The following FGF13 variants were observed in gnomAD, a reference collection of about 807,000 sequenced individuals.
The protein encoded by FGF13 is fibroblast growth factor 13.
A neutral mutation model predicts 19.5 loss-of-function variants in FGF13; 2 were observed. The observed-to-expected ratio is 0.10, with a 90% confidence interval of 0.04 to 0.32. The LOEUF (loss-of-function observed/expected upper bound fraction) is 0.32. Among genes scored for constraint, FGF13 ranks in the 10% least tolerant of loss-of-function variants. The pLI is 1.00. For missense variants in FGF13, 113 were observed against 192.7 expected (o/e 0.59, Z 2.45); for synonymous variants, 72 against 76.9 (o/e 0.94, Z 0.33).
chrX:138,960,421 T>C (rs1250607869), intron 1 of FGF13, among the ~76,000 whole-genome samples: 7 of 112,120 alleles, frequency 6.2e-5, no homozygotes, highest in African/African-American at 2.3e-4. Flanking sequence ...CCTTTGTGGG[T>C]AACCCAACCT....
intron 1 of FGF13, among the ~76,000 whole-genome samples, chrX:139,104,593 A>G (rs1269530011): frequency 8.9e-6 from 1 of 111,748 alleles, no homozygotes; most frequent in East Asian, 2.8e-4. Flanking sequence ...ACATAGTACC[A>G]TAGACTAAGT....
chrX:139,204,056 T>C (rs778370954), upstream of FGF13: 1 of 1,208,815 alleles, frequency 8.3e-7, no homozygotes, highest in African/African-American at 1.7e-5. Flanking sequence ...CGGGCGGGCT[T>C]ACCCTTAGAA....
chrX:138,792,039 G>A (rs1362087242), intron 3 of FGF13, among the ~76,000 whole-genome samples: 1 of 111,550 alleles, frequency 9.0e-6, no homozygotes, highest in Non-Finnish European at 1.9e-5. Flanking sequence ...TAATTTTAGT[G>A]GCCAAAAAGC....
chrX:139,116,649 G>T (rs1485190163), intron 1 of FGF13, among the ~76,000 whole-genome samples: 2 of 111,260 alleles, frequency 1.8e-5, no homozygotes, highest in Admixed American at 9.6e-5. Context: ...GTTGAATCCT[G>T]CTCCTTCAAG....
chrX:138,768,091 T>C (rs2090515128), intron 3 of FGF13, among the ~76,000 whole-genome samples: 1 of 112,053 alleles, frequency 8.9e-6, no homozygotes, highest in South Asian at 3.7e-4. Flanking sequence ...ATCACTACTG[T>C]CATGAACCCA....
intron 3 of FGF13, among the ~76,000 whole-genome samples, chrX:138,791,778 A>G (rs2090744411): frequency 8.9e-6 from 1 of 112,073 alleles, no homozygotes; most frequent in African/African-American, 3.2e-5. Context: ...AGTAAATGCA[A>G]TTTTAAAAGG....
At chrX:139,199,679 T>A (rs888433675) in intron 1 of FGF13, among the ~76,000 whole-genome samples, 2 of 111,349 alleles carry the variant, frequency 1.8e-5, no homozygotes, top group African/African-American at 6.6e-5. Context: ...GGCATAGACC[T>A]CAACTCCTTC....
At chrX:139,160,027 C>T (rs1195379483) in intron 1 of FGF13, among the ~76,000 whole-genome samples, 1 of 111,925 alleles carries the variant, frequency 8.9e-6, no homozygotes, top group East Asian at 2.8e-4. Flanking sequence ...CCCAAATCAA[C>T]AGAAGATACA....
In FGF13 at chrX:139,000,451, C is replaced by T. The variant is rs145103904; in HGVS notation, c.-112-135801G>A. 9.6e-3 allele frequency among the ~76,000 whole-genome samples: 1,071 copies of T among 111,714 alleles called. 12 individuals carry two copies. The highest frequency in any genetic ancestry group is 0.033 in the African/African-American group (1,010 of 30,718). On this transcript the variant is annotated intron_variant, in intron 1 of 2. Transcript: ENST00000421460. ...TTTAGATAACCTCATCATTTCAGCC[C>T]CAAATATCCTTAATCTGATAAGCAA...
At chrX:138,879,960 CA>C (rs1351119419) in intron 1 of FGF13, among the ~76,000 whole-genome samples, 1 of 111,725 alleles carries the variant, frequency 9.0e-6, no homozygotes, top group African/African-American at 3.3e-5. Context: ...CCAGAATGCA[CA>C]AATAACTTAA....
In FGF13 at chrX:138,891,813, G is replaced by A. The variant is rs763040512; in HGVS notation, c.-112-27163C>T. On this transcript the variant is annotated intron_variant, in intron 1 of 2. Coordinates refer to the FGF13 transcript ENST00000421460. Reference sequence around the variant, plus strand: ...AGAAAAACATGAAAAGGAGAGACAGGCCTAGCTTCCCTCTTTCTTCCGTGC... The same window carrying A: ...AGAAAAACATGAAAAGGAGAGACAGACCTAGCTTCCCTCTTTCTTCCGTGC... Among the ~76,000 whole-genome samples the A allele has an allele frequency of 9.1e-5, 10 of 110,265 alleles. No individual in the cohort carries two copies. In the East Asian group the frequency reaches 2.9e-3, roughly 32 times the overall value.
At chrX:138,953,301 C>T (rs2091823724) in intron 1 of FGF13, among the ~76,000 whole-genome samples, 1 of 110,857 alleles carries the variant, frequency 9.0e-6, no homozygotes, top group African/African-American at 3.3e-5. Flanking sequence ...AGCTGGAAAT[C>T]ATCATTCTGA....
chrX:138,651,571 G>A (rs954782618), intron 3 of FGF13, among the ~76,000 whole-genome samples: 1 of 111,726 alleles, frequency 9.0e-6, no homozygotes, highest in African/African-American at 3.3e-5. Flanking sequence ...AGGCCACTGA[G>A]CCATCATTTA....
chrX:138,776,561 G>A (rs1448405179), intron 3 of FGF13, among the ~76,000 whole-genome samples: 1 of 111,930 alleles, frequency 8.9e-6, no homozygotes, highest in Non-Finnish European at 1.9e-5. Flanking sequence ...AGTGCAACTG[G>A]GGTTCATAAC....
At chrX:138,732,103 A>C (rs951457560) in intron 1 of FGF13, among the ~76,000 whole-genome samples, 23 of 111,650 alleles carry the variant, frequency 2.1e-4, no homozygotes, top group Non-Finnish European at 4.0e-4. Context: ...GCTGATGATT[A>C]TGTAGAACAA....
chrX:138,815,339 C>T (rs1389558644), intron 3 of FGF13, among the ~76,000 whole-genome samples: 1 of 110,669 alleles, frequency 9.0e-6, no homozygotes, highest in African/African-American at 3.3e-5. Flanking sequence ...CATGTTCTTA[C>T]CACAAAAAAT....
rs1199985809 is a variant in FGF13 at position 138,846,519 on chromosome X, C to T, written c.217+10993G>A. ...CTCCCTGTATTTGTGGACAGACTAT[C>T]GTAAAAAGGATGCCACCTCTCTCAG... is the stretch of plus-strand genomic sequence containing the variant. On this transcript the variant is annotated intron_variant, in intron 3 of 6. Coordinates refer to the FGF13 transcript ENST00000436198. Among the ~76,000 whole-genome samples the T allele has an allele frequency of 1.5e-4, 17 of 111,814 alleles. No homozygotes were observed. The Admixed American group carries it at 1.6e-3, about 11-fold the overall frequency.
At chrX:138,934,495 G>A (rs919017494) in intron 1 of FGF13, among the ~76,000 whole-genome samples, 1 of 112,595 alleles carries the variant, frequency 8.9e-6, no homozygotes, top group Non-Finnish European at 1.9e-5. Flanking sequence ...CTGAAGCACA[G>A]TAACAATTTG....
At chrX:138,684,758 A>G (rs1466020204) in intron 3 of FGF13, among the ~76,000 whole-genome samples, 1 of 111,660 alleles carries the variant, frequency 9.0e-6, no homozygotes, top group African/African-American at 3.2e-5. Flanking sequence ...ATATTAGCCA[A>G]TATTACTTAT....
Sources: allele counts gnomAD v4.1 joint callset (sites outside exome capture counted in the v4.1 genomes callset), GRCh38; gene constraint gnomAD v4.1.1; transcripts MANE v1.5; gene names NCBI Gene and HGNC (gene_info 2026-07-23, HGNC 2026-07-21).